The following CADM2 variants were observed in gnomAD, a reference collection of about 807,000 sequenced individuals.
CADM2 encodes the protein cell adhesion molecule 2.
A neutral mutation model predicts 49.8 loss-of-function variants in CADM2; 12 were observed. That is an observed-to-expected ratio of 0.24 (90% CI 0.15 to 0.39). The LOEUF (loss-of-function observed/expected upper bound fraction) is 0.39. CADM2 is among the 10% of genes least tolerant of loss of function. CADM2 has a pLI of 1.00. For synonymous variants in CADM2, 214 were observed against 175.4 expected (o/e 1.22, Z -1.74); for missense variants, 378 against 492.3 (o/e 0.77, Z 2.20).
At chr3:85,284,155 A>G (rs2043571016) in intron 1 of CADM2, among the ~76,000 whole-genome samples, 1 of 152,178 alleles carries the variant, frequency 6.6e-6, no homozygotes, top group Admixed American at 6.6e-5. Context: ...AAATGTTCCA[A>G]ATTTTCCTTC....
At position 85,048,767 on chromosome 3, in the gene CADM2, T is replaced by A. The variant is rs1025048696; in HGVS notation, c.61+89099T>A. Among the ~76,000 whole-genome samples the A allele has an allele frequency of 3.9e-5, 6 of 152,118 alleles. No individual in the cohort carries two copies. The East Asian group carries it at 1.2e-3, about 29-fold the overall frequency. On this transcript the variant is annotated intron_variant, in intron 1 of 9. Transcript: ENST00000383699. ...GATGATGAGTTCCATTTGAGGTAGGTGATTTGCTATTCCATGAAACATAAA... is the reference window on the plus strand; with the variant it reads ...GATGATGAGTTCCATTTGAGGTAGGAGATTTGCTATTCCATGAAACATAAA...
intron 1 of CADM2, among the ~76,000 whole-genome samples, chr3:85,660,625 T>C (rs903418110): frequency 6.6e-6 from 1 of 152,094 alleles, no homozygotes; most frequent in South Asian, 2.1e-4. Context: ...ATTAGTGTTT[T>C]CAAACTATGG....
At chr3:85,371,661 A>ATGTGTG (rs760996256) in intron 1 of CADM2, among the ~76,000 whole-genome samples, 598 of 53,456 alleles carry the variant, frequency 0.011, 33 homozygotes, top group South Asian at 0.072. Context: ...ATATATATAT[A>ATGTGTG]TGTGTGTGTG....
chr3:85,116,474 G>C (rs1311034000), intron 1 of CADM2, among the ~76,000 whole-genome samples: 1 of 152,034 alleles, frequency 6.6e-6, no homozygotes, highest in East Asian at 1.9e-4. Flanking sequence ...AGTTATCAAA[G>C]GTAAGTTAGC....
chr3:85,816,974 A>G (rs926784945), intron 3 of CADM2, among the ~76,000 whole-genome samples: 9 of 152,184 alleles, frequency 5.9e-5, no homozygotes, highest in Admixed American at 6.6e-5. Flanking sequence ...ACCTACTTCT[A>G]AATAAATATT....
At chr3:85,935,565 T>A (rs1423631624) in intron 6 of CADM2, among the ~76,000 whole-genome samples, 3 of 152,052 alleles carry the variant, frequency 2.0e-5, no homozygotes, top group Non-Finnish European at 4.4e-5. Context: ...GATATTTAGA[T>A]ATTTTTGTTA....
chr3:85,291,877 C>A (rs2043807789), intron 1 of CADM2, among the ~76,000 whole-genome samples: 1 of 150,490 alleles, frequency 6.6e-6, no homozygotes, highest in African/African-American at 2.5e-5. Context: ...GAAACTGCAT[C>A]AACTAACGAG....
chr3:85,922,886 A>G (rs1263402151), intron 6 of CADM2, among the ~76,000 whole-genome samples: 1 of 150,836 alleles, frequency 6.6e-6, no homozygotes, highest in Non-Finnish European at 1.5e-5. Flanking sequence ...CAGTGGCACT[A>G]TCTTGGCTCA....
intron 1 of CADM2, among the ~76,000 whole-genome samples, chr3:85,022,515 T>C (rs544502623): frequency 6.6e-6 from 1 of 152,314 alleles, no homozygotes; most frequent in East Asian, 1.9e-4. Context: ...TACCAACAAA[T>C]TGCTTTCACA....
At chr3:85,729,127 T>G (rs1007942559) in intron 2 of CADM2, among the ~76,000 whole-genome samples, 7 of 152,198 alleles carry the variant, frequency 4.6e-5, no homozygotes, top group African/African-American at 1.7e-4. Flanking sequence ...ATTTTTTTCC[T>G]GATGAACATA....
intron 6 of CADM2, among the ~76,000 whole-genome samples, chr3:85,933,896 A>C: frequency 6.6e-6 from 1 of 152,210 alleles, no homozygotes; most frequent in Admixed American, 6.6e-5. Flanking sequence ...TAGTCTTTCA[A>C]GAGATTGGAT....
chr3:85,501,240 A>G (rs1046991347), intron 1 of CADM2, among the ~76,000 whole-genome samples: 2 of 152,162 alleles, frequency 1.3e-5, no homozygotes, highest in Admixed American at 6.5e-5. Flanking sequence ...ATTTTACTTG[A>G]AAGATTGGTA....
chr3:86,054,083 A>G (rs1252776846), intron 8 of CADM2, among the ~76,000 whole-genome samples: 1 of 152,038 alleles, frequency 6.6e-6, no homozygotes, highest in Non-Finnish European at 1.5e-5. Flanking sequence ...GTTACTTCCT[A>G]TTTGAACATA....
chr3:85,346,870 T>C (rs2030713490), intron 1 of CADM2, among the ~76,000 whole-genome samples: 3 of 152,174 alleles, frequency 2.0e-5, no homozygotes, highest in Admixed American at 6.5e-5. Flanking sequence ...ATTCACACTG[T>C]TTATACTGCG....
At chr3:85,414,754 C>T (rs79606738) in intron 1 of CADM2, among the ~76,000 whole-genome samples, 1 of 152,084 alleles carries the variant, frequency 6.6e-6, no homozygotes, top group African/African-American at 2.4e-5. Context: ...CATTTCCATT[C>T]AAACTTTACT....
intron 1 of CADM2, among the ~76,000 whole-genome samples, chr3:85,516,102 C>G (rs777534673): frequency 6.6e-6 from 1 of 152,108 alleles, no homozygotes; most frequent in Non-Finnish European, 1.5e-5. Flanking sequence ...ATGATCATTT[C>G]AGTTTCCATG....
chr3:85,622,577 G>A (rs1028553777), intron 1 of CADM2, among the ~76,000 whole-genome samples: 1 of 152,098 alleles, frequency 6.6e-6, no homozygotes, highest in Non-Finnish European at 1.5e-5. Flanking sequence ...TCTTTTAGCA[G>A]ATCCTCATAG....
At position 86,067,377 on chromosome 3, in the gene CADM2, T is replaced by A. The variant is rs918073432; in HGVS notation, c.*594T>A. The A allele has an allele frequency of 1.3e-5, 2 of 152,592 alleles. No homozygotes were observed. The highest frequency in any genetic ancestry group is 4.8e-5 in the African/African-American group (2 of 41,446). The allele number at this position is 152,592 out of a possible 1,614,324, so 9.5% of individuals were successfully genotyped here. A position where few individuals can be genotyped will look rare whatever the true frequency, so the allele number is the denominator to read the frequency against. On this transcript the variant is annotated 3_prime_UTR_variant, in exon 10 of 10. Transcript: ENST00000383699. The stretch of plus-strand genomic sequence containing the variant: ...GTTGGAGATTATACTGGTAAAGCTG[T>A]ATCGATTTGCTATTGAAATATAGTA...
At chr3:86,043,879 C>G (rs1285938952) in intron 8 of CADM2, among the ~76,000 whole-genome samples, 1 of 152,148 alleles carries the variant, frequency 6.6e-6, no homozygotes, top group Admixed American at 6.5e-5. Context: ...ACCAATGGAA[C>G]AGAACAGAGC....
Sources: gnomAD v4.1 joint callset for allele counts (sites outside exome capture counted in the v4.1 genomes callset) on GRCh38, gnomAD v4.1.1 for gene constraint, MANE v1.5 for transcripts, NCBI Gene and HGNC (gene_info 2026-07-23, HGNC 2026-07-21) for gene names.